Variants in FUS observed in about 807,000 individuals in gnomAD.
FUS encodes the protein RNA-binding protein FUS.
In FUS, 5 loss-of-function variants were observed where a neutral mutation model predicts 82.7. The ratio of observed to expected loss-of-function variants is 0.06; its 90% CI spans 0.03 to 0.13. FUS has a LOEUF of 0.13. FUS is among the 10% of genes least tolerant of loss of function. FUS has a pLI of 1.00. For synonymous variants in FUS, 281 were observed against 247.4 expected (o/e 1.14, Z -1.27); for missense variants, 512 against 707.8 (o/e 0.72, Z 3.14).
At chr16:31,190,641 A>G (rs2079340744) in intron 12 of FUS, 101 bp from the exon 13 acceptor site, 3 of 1,272,282 alleles carry the variant, frequency 2.4e-6, no homozygotes, top group Admixed American at 1.7e-5. Flanking sequence ...CTGAAGCTTC[A>G]GTTTCCTCAC....
At chr16:31,193,259 T>C (rs1291459468), downstream of FUS, 3 of 508,590 alleles carry the variant, frequency 5.9e-6, no homozygotes, top group Admixed American at 6.8e-5. Context: ...AGCATTGGGG[T>C]GCTCTCTAAG....
chr16:31,188,625 C>T (rs558713318), intron 8 of FUS: 23 of 564,014 alleles, frequency 4.1e-5, no homozygotes, highest in African/African-American at 1.3e-4. Flanking sequence ...GATGCTGATG[C>T]GTCTGGACCA....
At chr16:31,182,756 G>T (rs748287501) in intron 3 of FUS, 92 bp downstream of exon 3, 75 of 1,534,656 alleles carry the variant, frequency 4.9e-5, no homozygotes, top group Middle Eastern at 4.1e-4. Context: ...TGGTCCTGTT[G>T]CCCAGGCTGG....
chr16:31,187,255 A>G, intron 7 of FUS: 2 of 304,020 alleles, frequency 6.6e-6, no homozygotes, highest in Non-Finnish European at 1.3e-5. Flanking sequence ...CGAATGTTTA[A>G]TTCTGGAAGA....
At chr16:31,193,220 A>G (rs1191962278), downstream of FUS, 1 of 496,220 alleles carries the variant, frequency 2.0e-6, no homozygotes, top group Admixed American at 2.3e-5. Flanking sequence ...ATGACTTTTA[A>G]GAGGAATAGC....
At position 31,185,051 on chromosome 16, in the gene FUS, C is replaced by G. The variant is rs147528034; in HGVS notation, c.636C>G (p.Asp212Glu). 1.2e-6 allele frequency: 2 copies of G among 1,611,686 alleles called. No homozygotes were observed. The highest frequency in any genetic ancestry group is 8.5e-7 in the Non-Finnish European group (1 of 1,179,030). Residue 212 changes from aspartate (D) to glutamate (E), a missense_variant, in exon 6 of 15, where the codon GAC becomes GAG. Asp to Glu is a conservative substitution (Grantham distance 45, BLOSUM62 2). Around this residue, in one of 6 missense-constraint regions of FUS, gnomAD observed 276 missense variants for 303.3 expected, o/e 0.91. Coordinates refer to ENST00000254108, the MANE Select transcript of FUS (RefSeq NM_004960.4). ...GCAGCGGTGGCTATGGACAGCAGGA[C>G]CGTGGAGGCCGCGGCAGGGGTGGCA... is the stretch of plus-strand genomic sequence containing the variant. ...GGGSGGYGQQ[D>E]RGGRGRGGSG...
At chr16:31,193,931 C>CA (rs1476560916), downstream of FUS, 1 of 529,666 alleles carries the variant, frequency 1.9e-6, no homozygotes, top group East Asian at 4.0e-5. Context: ...ACAGGTGTGA[C>CA]CCACTGCGTT....
At chr16:31,192,881 A>C, downstream of FUS, 2 of 485,620 alleles carry the variant, frequency 4.1e-6, no homozygotes, top group Non-Finnish European at 8.2e-6. Context: ...CATCCTCTCA[A>C]ATTTTCAAGT....
At chr16:31,187,153 G>A in intron 7 of FUS, 3 of 462,946 alleles carry the variant, frequency 6.5e-6, no homozygotes, top group Admixed American at 3.4e-5. Context: ...TGGAGAGTGC[G>A]TGCTGGAACA....
downstream of FUS, chr16:31,192,602 C>A (rs1418499806): frequency 6.1e-6 from 3 of 490,240 alleles, no homozygotes; most frequent in Non-Finnish European, 8.1e-6. Flanking sequence ...GCTCTGTCAT[C>A]CAGGCTGGAG....
downstream of FUS, chr16:31,193,731 C>A (rs1156538545): frequency 1.9e-6 from 1 of 532,124 alleles, no homozygotes; most frequent in Non-Finnish European, 3.6e-6. Flanking sequence ...TGGTGCCTCT[C>A]AAGCCAACCT....
At chr16:31,180,252 C>T (rs750839533) in intron 1 of FUS, 25 bp downstream of exon 1, 1 of 1,604,476 alleles carries the variant, frequency 6.2e-7, no homozygotes, top group Non-Finnish European at 8.5e-7. Context: ...GAGGCGACGG[C>T]GGCGGCGCAC....
chr16:31,184,018 T>G lies in FUS; in HGVS notation c.335+16T>G. On this transcript the variant is annotated intron_variant, in intron 4 of 14. Transcript: ENST00000254108. ...CCTCGGGAAGGTACGGTGGTGTTGA[T>G]GTCGGGGAAGGCTTGAAAAGAGGGG... 1 of 1,613,944 alleles carries G rather than the reference T, an allele frequency of 6.2e-7. No individual in the cohort carries two copies. Among genetic ancestry groups the G allele is most frequent in the Non-Finnish European group, 8.5e-7 (1 of 1,179,998 alleles).
chr16:31,180,415 TC>T (rs890269763), intron 1 of FUS, among the ~76,000 whole-genome samples, 188 bp downstream of exon 1: 1 of 151,006 alleles, frequency 6.6e-6, no homozygotes, highest in African/African-American at 2.4e-5. Context: ...CCTCTGGCCC[TC>T]GCGCGCGGGG....
chr16:31,183,993 C>T lies in FUS; in HGVS notation c.326C>T (p.Thr109Ile), dbSNP rs2079220685. The change falls in exon 4 of 15, where the codon ACC becomes ATC. Residue 109 changes from threonine to isoleucine, a missense_variant. Thr to Ile is a moderately conservative substitution (Grantham distance 89). Coordinates refer to ENST00000254108, the MANE Select transcript of FUS (RefSeq NM_004960.4). ...GGCCAGCAGCCAGCTCCCAGCAGCA[C>T]CTCGGGAAGGTACGGTGGTGTTGAT... is the stretch of plus-strand genomic sequence containing the variant. Reference protein sequence around the residue: ...GYGQQPAPSSTSGSYGSSSQS... With the variant: ...GYGQQPAPSSISGSYGSSSQS... 6.2e-7 allele frequency: 1 copy of T among 1,614,080 alleles called. No homozygotes were observed. Among genetic ancestry groups the T allele is most frequent in the African/African-American group, 1.3e-5 (1 of 74,996 alleles).
Position 31,185,096 on chromosome 16 carries a change from CGGCGGTGGT to C in FUS, c.684_692del (p.Gly229_Gly231del), listed in dbSNP as rs778398729. 4.9e-5 allele frequency: 78 copies of C among 1,604,836 alleles called. No homozygotes were observed. The East Asian group carries it at 5.8e-4, about 12-fold the overall frequency. On this transcript the variant is annotated inframe_deletion, in exon 6 of 15. Transcript: ENST00000254108. ...GTGGCAGTGGTGGCGGCGGCGGCGG[CGGCGGTGGT>C]GGTTACAACCGCAGCAGTGGTGGCT...
chr16:31,190,228 C>G, intron 11 of FUS, 47 bp from the exon 12 acceptor site: 1 of 1,613,870 alleles, frequency 6.2e-7, no homozygotes, highest in Non-Finnish European at 8.5e-7. Flanking sequence ...GTTAGATTTA[C>G]CAAACTTGGA....
At chr16:31,189,973 TTC>T (rs2079328765) in intron 10 of FUS, 65 bp from the exon 11 acceptor site, 6 of 1,559,926 alleles carry the variant, frequency 3.8e-6, no homozygotes, top group Middle Eastern at 1.9e-4. Flanking sequence ...AAAGGCACGC[TTC>T]TCTTGTATTT....
At chr16:31,189,938 G>T in intron 10 of FUS, 102 bp from the exon 11 acceptor site, 1 of 1,562,038 alleles carries the variant, frequency 6.4e-7, no homozygotes, top group Non-Finnish European at 8.8e-7. Flanking sequence ...TTGCTTATGT[G>T]TCAGCAGATT....
Sources: gnomAD v4.1 joint callset for allele counts (sites outside exome capture counted in the v4.1 genomes callset) on GRCh38, gnomAD v4.1.1 for gene constraint, gnomAD v4.1.1 regional missense constraint, MANE v1.5 for transcripts, NCBI Gene and HGNC (gene_info 2026-07-23, HGNC 2026-07-21) for gene names.